The following IL5RA variants were observed in gnomAD, a reference collection of about 807,000 sequenced individuals.
IL5RA encodes the protein interleukin 5 receptor subunit alpha, also known as interleukin-5 receptor subunit alpha.
Under a neutral mutation model 50.0 loss-of-function variants are expected in IL5RA, and 49 were observed. That is an observed-to-expected ratio of 0.98 (90% CI 0.78 to 1.24). IL5RA has a LOEUF of 1.24. Ranked by LOEUF, IL5RA falls within the 50% of genes most tolerant of loss-of-function variation. IL5RA has a pLI of 0.00. For synonymous variants in IL5RA, 202 were observed against 174.0 expected (o/e 1.16, Z -1.26); for missense variants, 600 against 500.4 (o/e 1.20, Z -1.90).
rs752845965 is a variant in IL5RA, at chr3:3,098,100, A to G, written c.521+37T>C. The G allele has an allele frequency of 8.1e-6, 13 of 1,614,090 alleles. No homozygotes were observed. The South Asian group carries it at 1.3e-4, about 16-fold the overall frequency. ...CGAGTGTTATGAGGTTGCAGGAAAC[A>G]ACCATTTGCCTAAGTAAAAATAGGT... On this transcript the variant is annotated intron_variant, in intron 6 of 11. Coordinates refer to ENST00000446632, the MANE Select transcript of IL5RA (RefSeq NM_175726.4).
At chr3:3,101,932 T>C (rs1703673076) in intron 4 of IL5RA, 102 bp from the exon 5 acceptor site, 2 of 1,017,794 alleles carry the variant, frequency 2.0e-6, no homozygotes, top group Non-Finnish European at 2.8e-6. Context: ...AAATGATTAG[T>C]AAGATGCAAT....
Position 3,101,787 on chromosome 3 carries a change from T to A in IL5RA, c.272A>T (p.His91Leu). Residue 91 changes from histidine to leucine, a missense_variant, in exon 5 of 12, where the codon CAC (histidine) becomes CTC (leucine). Coordinates refer to ENST00000446632, the MANE Select transcript of IL5RA (RefSeq NM_175726.4). ...ITESKCVTIL[H>L]KGFSASVRTI... ...CCGCACACTTGCTGAAAAGCCTTTG[T>A]GGAGGATGGTTACACATTTGCTTTC... 1 of 1,614,122 alleles carries A rather than the reference T, an allele frequency of 6.2e-7. No homozygotes were observed. The highest frequency in any genetic ancestry group is 8.5e-7 in the Non-Finnish European group (1 of 1,179,996).
intron 9 of IL5RA, among the ~76,000 whole-genome samples, chr3:3,090,608 C>T (rs1374292228): frequency 4.8e-5 from 7 of 145,678 alleles, no homozygotes; most frequent in Admixed American, 4.8e-4. Flanking sequence ...ACTCTATTGC[C>T]CGGGCTGGAG....
intron 9 of IL5RA, chr3:3,089,903 G>A (rs3762761): frequency 0.093 from 22,130 of 238,690 alleles, 1,218 homozygotes; most frequent in East Asian, 0.2. Context: ...GTGAGCCACC[G>A]CACCCATCCC....
intron 9 of IL5RA, among the ~76,000 whole-genome samples, chr3:3,081,217 C>T (rs1021765930): frequency 6.6e-6 from 1 of 152,134 alleles, no homozygotes; most frequent in African/African-American, 2.4e-5. Context: ...ATTTTTATTG[C>T]ATTCTTTCTT....
chr3:3,103,337 C>T (rs978298100), intron 3 of IL5RA, among the ~76,000 whole-genome samples: 2 of 152,122 alleles, frequency 1.3e-5, no homozygotes, highest in African/African-American at 4.8e-5. Context: ...AGTCATTATC[C>T]ATTAACAGGC....
rs769194828 is a variant in IL5RA, at chr3:3,098,218, C to T, written c.440G>A (p.Arg147Lys). 9 of 1,613,902 alleles carry T rather than the reference C, an allele frequency of 5.6e-6. No individual in the cohort carries two copies. In the African/African-American group the frequency reaches 8.0e-5, roughly 14 times the overall value. The change falls in exon 6 of 12, where the codon AGG (arginine) becomes AAG (lysine). Residue 147 changes from arginine to lysine, a missense_variant. Transcript: ENST00000446632. ...GCAGTGAAGGGAAACTTGGTATGACCTTAAACGTGAATAATTGTCTTCTGT... is the reference window on the plus strand; with the variant it reads ...GCAGTGAAGGGAAACTTGGTATGACTTTAAACGTGAATAATTGTCTTCTGT... Reference protein sequence around the residue: ...NTTEDNYSRLRSYQVSLHCTW... With the variant: ...NTTEDNYSRLKSYQVSLHCTW...
chr3:3,073,949 T>C, intron 11 of IL5RA: 1 of 259,726 alleles, frequency 3.9e-6, no homozygotes, highest in Non-Finnish European at 7.6e-6. Context: ...GATAGACAAA[T>C]AGATCGATAA....
chr3:3,088,093 A>G (rs10510252), intron 9 of IL5RA, among the ~76,000 whole-genome samples: 3,960 of 152,304 alleles, frequency 0.026, 62 homozygotes, highest in Admixed American at 0.055. Flanking sequence ...GGAAAACTAT[A>G]ATGAGCCCAG....
chr3:3,071,712 C>A (rs1702305983), intron 11 of IL5RA, among the ~76,000 whole-genome samples: 1 of 151,984 alleles, frequency 6.6e-6, no homozygotes, highest in African/African-American at 2.4e-5. Flanking sequence ...ACCTCAGCCT[C>A]CCGAGTATCT....
intron 7 of IL5RA, among the ~76,000 whole-genome samples, chr3:3,096,554 T>C (rs334805): frequency 0.083 from 12,660 of 152,180 alleles, 906 homozygotes; most frequent in African/African-American, 0.2. Flanking sequence ...TTATTTATTT[T>C]AGTAATCCTA....
chr3:3,099,224 C>G (rs568468341), intron 5 of IL5RA, among the ~76,000 whole-genome samples: 1 of 152,278 alleles, frequency 6.6e-6, no homozygotes, highest in Admixed American at 6.5e-5. Context: ...TGGCCAGGCA[C>G]GGTGCTCATG....
chr3:3,084,334 G>T (rs139775046), intron 9 of IL5RA, among the ~76,000 whole-genome samples: 151 of 152,268 alleles, frequency 9.9e-4, no homozygotes, highest in Admixed American at 3.4e-3. Flanking sequence ...AGTGCTATCA[G>T]AATTCTAAAA....
chr3:3,095,588 TC>T, intron 7 of IL5RA, 144 bp from the exon 8 acceptor site: 1 of 690,370 alleles, frequency 1.4e-6, no homozygotes, highest in Non-Finnish European at 2.4e-6. Flanking sequence ...TCAACTGATC[TC>T]CAAGCCACAG....
intron 9 of IL5RA, among the ~76,000 whole-genome samples, chr3:3,087,637 G>GGA (rs386395803): frequency 0.025 from 3 of 122 alleles, no homozygotes; most frequent in Non-Finnish European, 0.062. Context: ...TTAAAATAAT[G>GGA]GGGGGGAAAT....
intron 10 of IL5RA, among the ~76,000 whole-genome samples, chr3:3,076,132 A>T (rs1381817422): frequency 6.6e-6 from 1 of 152,128 alleles, no homozygotes; most frequent in Non-Finnish European, 1.5e-5. Flanking sequence ...GGATGATGAC[A>T]TGCAGGCATT....
intron 11 of IL5RA, among the ~76,000 whole-genome samples, chr3:3,072,838 G>A (rs751527943): frequency 7.9e-5 from 12 of 152,322 alleles, no homozygotes; most frequent in Non-Finnish European, 1.6e-4. Flanking sequence ...CTTAAACCCG[G>A]GAGGTGGAGG....
rs776936532 is a variant in IL5RA, at chr3:3,074,777, A to T, written c.1176+5T>A. ...ACGGCATATCATAAGAACTTTCAAC[A>T]TTACCTCATAGTTAGTGGTTACAAA... On this transcript the variant is annotated splice_donor_5th_base_variant and intron_variant, in intron 11 of 11. Coordinates refer to ENST00000446632, the MANE Select transcript of IL5RA (RefSeq NM_175726.4). The T allele has an allele frequency of 6.4e-7, 1 of 1,565,054 alleles. No individual in the cohort carries two copies. Among genetic ancestry groups the T allele is most frequent in the Admixed American group, 1.7e-5 (1 of 59,964 alleles).
intron 11 of IL5RA, among the ~76,000 whole-genome samples, chr3:3,074,367 C>G (rs1702406276): frequency 6.6e-6 from 1 of 152,180 alleles, no homozygotes; most frequent in Non-Finnish European, 1.5e-5. Context: ...TGTCCAAAGT[C>G]AGTTAAGGCA....
Sources: allele counts gnomAD v4.1 joint callset (sites outside exome capture counted in the v4.1 genomes callset), GRCh38; gene constraint gnomAD v4.1.1; transcripts MANE v1.5; gene names NCBI Gene and HGNC (gene_info 2026-07-23, HGNC 2026-07-21).